AGAP3: variants seen among roughly 807,000 people sequenced by gnomAD.
AGAP3 encodes the protein ArfGAP with GTPase domain, ankyrin repeat and PH domain 3.
In AGAP3, 24 loss-of-function variants were observed where a neutral mutation model predicts 96.9. The ratio of observed to expected loss-of-function variants is 0.25; its 90% CI spans 0.18 to 0.35. AGAP3 has a LOEUF of 0.35. Among genes scored for constraint, AGAP3 ranks in the 10% least tolerant of loss-of-function variants. AGAP3 has a pLI of 1.00. For synonymous variants in AGAP3, 563 were observed against 536.1 expected (o/e 1.05, Z -0.69); for missense variants, 876 against 1,254.2 (o/e 0.70, Z 4.55).
chr7:151,132,303 A>G (rs900331847), intron 10 of AGAP3, among the ~76,000 whole-genome samples: 1 of 152,176 alleles, frequency 6.6e-6, no homozygotes, highest in African/African-American at 2.4e-5. Context: ...GAGGCTGCTC[A>G]CTGATTCCTC....
At chr7:151,117,972 C>T (rs1365818506) in intron 5 of AGAP3, 195 bp downstream of exon 5, 2 of 894,420 alleles carry the variant, frequency 2.2e-6, no homozygotes, top group East Asian at 2.7e-5. Flanking sequence ...GTCCCTGTGA[C>T]TAGCAGGTCT....
Position 151,123,343 on chromosome 7 carries a change from C to T in AGAP3, c.1129-451C>T, listed in dbSNP as rs978940180. 6.7e-6 allele frequency: 7 copies of T among 1,041,264 alleles called. No homozygotes were observed. In the Admixed American group the frequency reaches 2.1e-4, roughly 31 times the overall value. 64.5% of individuals were successfully genotyped at this position (1,041,264 alleles called of 1,614,324 possible). On this transcript the variant is annotated intron_variant, in intron 8 of 17. Coordinates refer to ENST00000397238, the MANE Select transcript of AGAP3 (RefSeq NM_031946.7). ...TCCTCTCTCTGTCCATCCACTGTGC[C>T]CCTTGGGCCACGCCGACGCGCTCGG...
intron 1 of AGAP3, among the ~76,000 whole-genome samples, chr7:151,094,909 C>T (rs1798539150): frequency 6.6e-6 from 1 of 150,764 alleles, no homozygotes; most frequent in Admixed American, 6.7e-5. Flanking sequence ...GAATATTGGT[C>T]TGTCACCCAG....
rs749005881 is a variant in AGAP3 at position 151,123,802 on chromosome 7, G to C, written c.1137G>C (p.Lys379Asn). The C allele has an allele frequency of 6.2e-7, 1 of 1,613,214 alleles. No homozygotes were observed. Among genetic ancestry groups the C allele is most frequent in the South Asian group, 1.1e-5 (1 of 91,086 alleles). Residue 379 changes from lysine (K) to asparagine (N), a missense_variant, in exon 9 of 18, where the codon AAG (lysine) becomes AAC (asparagine). Coordinates refer to ENST00000397238, the MANE Select transcript of AGAP3 (RefSeq NM_031946.7). ...KRRSNIFTSR[K>N]GADLDREKKA... ...CTTGTTTTCTCTTCCAGTCTCGGAA[G>C]GGTGCTGACCTGGACCGGGAGAAGA...
intron 8 of AGAP3, chr7:151,120,948 AGTCTT>A: frequency 1.2e-6 from 1 of 833,918 alleles, no homozygotes. Context: ...ATGTTCCAGG[AGTCTT>A]GGGCCAGACA....
chr7:151,132,766 ACCT>A (rs1800449261), intron 10 of AGAP3, among the ~76,000 whole-genome samples: 1 of 152,068 alleles, frequency 6.6e-6, no homozygotes, highest in South Asian at 2.1e-4. Context: ...CTAGCTGGTA[ACCT>A]CCTCACCTTC....
At chr7:151,134,014 A>G (rs546300987) in intron 10 of AGAP3, among the ~76,000 whole-genome samples, 9 of 152,258 alleles carry the variant, frequency 5.9e-5, no homozygotes, top group African/African-American at 1.2e-4. Flanking sequence ...CCACCCTGTC[A>G]TCCATGTCCC....
rs780688540 is a variant in AGAP3 at position 151,138,255 on chromosome 7, C to G, written c.1608C>G (p.Ser536=). The change falls in exon 12 of 18, where the codon TCC becomes TCG. Residue 536 remains serine, a synonymous_variant. Transcript: ENST00000397238. ...EGLHQRSCSV[S]SADQWSEATT... is the part of the protein sequence containing the mutation. ...TGCACCAGCGCTCCTGCTCCGTTTC[C>G]AGCGCCGACCAGTGGAGTGAGGCCA... 5 of 1,612,926 alleles carry G rather than the reference C, an allele frequency of 3.1e-6. No individual in the cohort carries two copies. The East Asian group carries it at 1.1e-4, about 36-fold the overall frequency.
rs531442099 is a variant in AGAP3, at chr7:151,139,920, C to T, written c.1667-59C>T. 1.1e-5 allele frequency: 16 copies of T among 1,419,102 alleles called. No homozygotes were observed. The highest frequency in any genetic ancestry group is 8.8e-5 in the African/African-American group (6 of 68,182). 87.9% of individuals were successfully genotyped at this position (1,419,102 alleles called of 1,614,324 possible). ...GTCCTCTCCTCCTCCCAGTGCCCTG[C>T]GCCCCTCCCCTCCTCTGCCTCCCTT... On this transcript the variant is annotated intron_variant, in intron 12 of 17. Transcript: ENST00000397238. The surrounding 1 kb of genome is among the most constrained non-coding windows in gnomAD (Gnocchi z 4.9).
intron 10 of AGAP3, among the ~76,000 whole-genome samples, chr7:151,130,714 C>T (rs1300521990): frequency 2.6e-5 from 4 of 152,150 alleles, no homozygotes; most frequent in South Asian, 2.1e-4. Context: ...GGGCTACACA[C>T]GGTGCAAAAG....
chr7:151,097,827 G>A (rs1033951987), intron 1 of AGAP3, among the ~76,000 whole-genome samples: 1 of 152,086 alleles, frequency 6.6e-6, no homozygotes, highest in African/African-American at 2.4e-5. Context: ...GAGATTTGGA[G>A]GAGACACACA....
chr7:151,134,663 CAG>C, intron 11 of AGAP3, 95 bp downstream of exon 11: 1 of 1,297,126 alleles, frequency 7.7e-7, no homozygotes, highest in South Asian at 1.4e-5. Context: ...AGCCTGGGCA[CAG>C]GGTGCTGGCC....
At position 151,143,997 on chromosome 7, in the gene AGAP3, C is replaced by T; in HGVS notation, c.*54C>T. ...AGGACTCCATGGCCCAAAGACCCTCCTCCCTGCAGGCACTGTGGGAACAGA... is the reference window on the plus strand; with the variant it reads ...AGGACTCCATGGCCCAAAGACCCTCTTCCCTGCAGGCACTGTGGGAACAGA... On this transcript the variant is annotated 3_prime_UTR_variant, in exon 18 of 18. Transcript: ENST00000397238. This position sits in a 1 kb window ranked among gnomAD's most constrained non-coding sequence, Gnocchi z 5.9. The T allele has an allele frequency of 6.5e-7, 1 of 1,540,634 alleles. No individual in the cohort carries two copies. The highest frequency in any genetic ancestry group is 8.9e-7 in the Non-Finnish European group (1 of 1,121,056).
At chr7:151,120,537 G>A (rs182166917) in intron 8 of AGAP3, 20 of 976,888 alleles carry the variant, frequency 2.0e-5, no homozygotes, top group South Asian at 1.5e-4. Context: ...ACCGGCGGCC[G>A]GAAGGCTGTT....
At chr7:151,122,672 G>C in intron 8 of AGAP3, 1 of 1,609,540 alleles carries the variant, frequency 6.2e-7, no homozygotes, top group Non-Finnish European at 8.5e-7. Flanking sequence ...TGACCGACTT[G>C]TGCGGGGCTT....
At chr7:151,131,600 C>A (rs1224252090) in intron 10 of AGAP3, among the ~76,000 whole-genome samples, 1 of 152,182 alleles carries the variant, frequency 6.6e-6, no homozygotes, top group African/African-American at 2.4e-5. Flanking sequence ...GTCCTCTGGG[C>A]CCAGGCTCCA....
intron 8 of AGAP3, chr7:151,122,872 A>G: frequency 6.3e-7 from 1 of 1,574,926 alleles, no homozygotes; most frequent in Non-Finnish European, 8.6e-7. Context: ...CTGCTCTCAG[A>G]TGAGAAGCGG....
chr7:151,116,849 G>A lies in AGAP3; in HGVS notation c.388G>A (p.Val130Met). 6.2e-7 allele frequency: 1 copy of A among 1,614,108 alleles called. No individual in the cohort carries two copies. The highest frequency in any genetic ancestry group is 8.5e-7 in the Non-Finnish European group (1 of 1,179,996). ...TLSRSVPELK[V>M]GIVGNLSSGK... ...GAGCCGCTCCGTACCGGAGCTTAAA[G>A]TGGTGAGTGTGGCCCATGGGCAGCA... Residue 130 changes from valine to methionine, a missense_variant and splice_region_variant, in exon 2 of 18, where the codon GTG (valine) becomes ATG (methionine). Transcript: ENST00000397238.
intron 8 of AGAP3, chr7:151,120,483 C>G (rs575377176): frequency 3.8e-5 from 25 of 649,452 alleles, no homozygotes; most frequent in South Asian, 3.6e-4. Flanking sequence ...CTTGGACTCA[C>G]TTGGCCTAAC....
Sources: allele counts gnomAD v4.1 joint callset (sites outside exome capture counted in the v4.1 genomes callset), GRCh38; gene constraint gnomAD v4.1.1; non-coding constraint Gnocchi (gnomAD v3.1); transcripts MANE v1.5; gene names NCBI Gene and HGNC (gene_info 2026-07-23, HGNC 2026-07-21).